GUCY1A2: variants seen among roughly 807,000 people sequenced by gnomAD.
The protein encoded by GUCY1A2 is guanylate cyclase soluble subunit alpha-2.
In GUCY1A2, 27 loss-of-function variants were observed where a neutral mutation model predicts 63.5. The observed-to-expected ratio is 0.43, with a 90% CI of 0.31 to 0.59. The LOEUF is 0.59. GUCY1A2 is among the 20% of genes least tolerant of loss of function. The pLI is 0.11. For missense variants in GUCY1A2, 768 were observed against 913.3 expected, an observed-to-expected ratio of 0.84 and a Z score of 2.05; for synonymous variants, 364 against 343.5, an observed-to-expected ratio of 1.06 and a Z score of -0.66.
intron 5 of GUCY1A2, among the ~76,000 whole-genome samples, chr11:106,799,815 C>A (rs1183231560): frequency 1.3e-5 from 2 of 152,164 alleles, no homozygotes; most frequent in African/African-American, 4.8e-5. Flanking sequence ...CAATACCATT[C>A]AGGACATAGG....
intron 3 of GUCY1A2, among the ~76,000 whole-genome samples, chr11:106,948,076 A>G (rs1860854459): frequency 6.6e-6 from 1 of 152,186 alleles, no homozygotes; most frequent in Non-Finnish European, 1.5e-5. Flanking sequence ...ATGGGTAAGT[A>G]TCTGGCAAAG....
At chr11:106,949,605 C>A (rs756161188) in intron 3 of GUCY1A2, among the ~76,000 whole-genome samples, 1 of 152,264 alleles carries the variant, frequency 6.6e-6, no homozygotes, top group Admixed American at 6.5e-5. Flanking sequence ...GCTTCCAAAG[C>A]ACCTTGTGAT....
At chr11:106,957,250 C>A (rs1046302183) in intron 3 of GUCY1A2, among the ~76,000 whole-genome samples, 1 of 151,992 alleles carries the variant, frequency 6.6e-6, no homozygotes, top group African/African-American at 2.4e-5. Flanking sequence ...TTGCCCCTCC[C>A]CCCAGGAGCT....
chr11:106,756,115 C>T (rs1863969480), intron 6 of GUCY1A2, among the ~76,000 whole-genome samples: 1 of 152,090 alleles, frequency 6.6e-6, no homozygotes, highest in Non-Finnish European at 1.5e-5. Context: ...CCTTCTTTGT[C>T]TCTTTTGATC....
chr11:106,752,157 C>T (rs74644227), intron 6 of GUCY1A2, among the ~76,000 whole-genome samples: 4,231 of 152,094 alleles, frequency 0.028, 177 homozygotes, highest in East Asian at 0.13. Flanking sequence ...GAGATGACTT[C>T]TTAGGATTTG....
chr11:106,915,388 G>A lies in GUCY1A2; in HGVS notation c.1206+24072C>T, dbSNP rs1158367153. ...TCTGTTACAAGGTATCTGTACTACCGACGAGGCAATACAGTGTCATTTGAA... is the reference window on the plus strand; with the variant it reads ...TCTGTTACAAGGTATCTGTACTACCAACGAGGCAATACAGTGTCATTTGAA... On this transcript the variant is annotated intron_variant, in intron 4 of 7. Transcript: ENST00000526355. Among the ~76,000 whole-genome samples the A allele has an allele frequency of 5.3e-5, 8 of 152,158 alleles. No individual in the cohort carries two copies. In the East Asian group the frequency reaches 5.8e-4, roughly 11 times the overall value.
rs1862444014 is a variant in GUCY1A2 at position 106,682,208 on chromosome 11, TGAAA to T, written c.*5337_*5340del. Reference sequence around the variant, plus strand: ...AAATCAAAGCTAAAATTAAAATTTGTGAAAGAAATAATGGTATGAGGCCTAGAGT... The same window carrying T: ...AAATCAAAGCTAAAATTAAAATTTGTGAAATAATGGTATGAGGCCTAGAGT... On this transcript the variant is annotated 3_prime_UTR_variant, in exon 8 of 8. Transcript: ENST00000526355. 1 of 212,372 alleles carries T rather than the reference TGAAA, an allele frequency of 4.7e-6. No homozygotes were observed. Among genetic ancestry groups the T allele is most frequent in the African/African-American group, 2.3e-5 (1 of 43,810 alleles). 13.2% of individuals were successfully genotyped at this position (212,372 alleles called of 1,614,324 possible). A position where few individuals can be genotyped will look rare whatever the true frequency, so the allele number is the denominator to read the frequency against.
intron 7 of GUCY1A2, among the ~76,000 whole-genome samples, chr11:106,706,042 T>A (rs761023561): frequency 6.6e-6 from 1 of 152,216 alleles, no homozygotes; most frequent in Non-Finnish European, 1.5e-5. Flanking sequence ...ATCTTTTCAG[T>A]ACTCCACAAT....
At chr11:106,778,707 C>G (rs1363314039) in intron 5 of GUCY1A2, among the ~76,000 whole-genome samples, 1 of 151,726 alleles carries the variant, frequency 6.6e-6, no homozygotes, top group Non-Finnish European at 1.5e-5. Flanking sequence ...TCTCTGTATT[C>G]ACAGAGCTTA....
At chr11:106,970,888 T>C (rs1245754636) in intron 3 of GUCY1A2, among the ~76,000 whole-genome samples, 1 of 137,196 alleles carries the variant, frequency 7.3e-6, no homozygotes, top group African/African-American at 2.7e-5. Context: ...TTCAGGGGGG[T>C]GGGGGGAAAG....
intron 6 of GUCY1A2, among the ~76,000 whole-genome samples, chr11:106,709,447 A>G (rs1301993727): frequency 1.0e-5 from 1 of 97,770 alleles, no homozygotes; most frequent in Non-Finnish European, 1.8e-5. Context: ...ATAATAATAT[A>G]TATTCTATAT....
At chr11:106,978,887 C>T (rs1228513305) in intron 2 of GUCY1A2, 147 bp from the exon 3 acceptor site, 8 of 594,786 alleles carry the variant, frequency 1.3e-5, no homozygotes, top group Non-Finnish European at 2.1e-5. Context: ...ATAATTCTGG[C>T]ATAACCCACC....
intron 4 of GUCY1A2, among the ~76,000 whole-genome samples, chr11:106,864,952 C>T (rs373634077): frequency 1.1e-4 from 17 of 152,138 alleles, no homozygotes; most frequent in African/African-American, 4.1e-4. Flanking sequence ...GGAAGGAGTC[C>T]TTCTTTTTCT....
intron 3 of GUCY1A2, among the ~76,000 whole-genome samples, 172 bp from the exon 4 acceptor site, chr11:106,940,350 T>C (rs900429267): frequency 1.3e-5 from 2 of 152,242 alleles, no homozygotes; most frequent in African/African-American, 2.4e-5. Context: ...TCAGAAAATA[T>C]AAATTTCAGT....
chr11:106,825,029 AAT>A, intron 4 of GUCY1A2: 1 of 1,470,732 alleles, frequency 6.8e-7, no homozygotes, highest in Non-Finnish European at 9.3e-7. Flanking sequence ...GTAGTTAGAC[AAT>A]AGTTTTTAAA....
chr11:106,953,642 T>A (rs1456514062), intron 3 of GUCY1A2, among the ~76,000 whole-genome samples: 1 of 152,148 alleles, frequency 6.6e-6, no homozygotes, highest in East Asian at 1.9e-4. Context: ...TGTGAATCCA[T>A]CTGGTCCTTG....
intron 6 of GUCY1A2, among the ~76,000 whole-genome samples, chr11:106,739,116 T>C (rs1591256151): frequency 3.3e-5 from 5 of 152,328 alleles, no homozygotes; most frequent in Middle Eastern, 6.8e-3. Context: ...ACATCCCTTG[T>C]AAGTTGGATT....
rs1858937558 is a variant in GUCY1A2, at chr11:106,824,175, T to A, written c.1207-13697A>T. 2.9e-6 allele frequency: 4 copies of A among 1,396,364 alleles called. No individual in the cohort carries two copies. The East Asian group carries it at 1.1e-4, about 37-fold the overall frequency. The allele number at this position is 1,396,364 out of a possible 1,614,324, so 86.5% of individuals were successfully genotyped here. A position where few individuals can be genotyped will look rare whatever the true frequency, so the allele number is the denominator to read the frequency against. ...GCAAGTGACAAAGTCCACACAGAAC[T>A]CTTTCAGGGTAAATGGCTATTAATT... On this transcript the variant is annotated intron_variant, in intron 4 of 7. Transcript: ENST00000526355.
At chr11:106,806,089 A>G (rs1040962961) in intron 5 of GUCY1A2, among the ~76,000 whole-genome samples, 1 of 152,146 alleles carries the variant, frequency 6.6e-6, no homozygotes, top group African/African-American at 2.4e-5. Context: ...ATACACACAC[A>G]CACATACACA....
Sources: allele counts gnomAD v4.1 joint callset (sites outside exome capture counted in the v4.1 genomes callset), GRCh38; gene constraint gnomAD v4.1.1; transcripts MANE v1.5; gene names NCBI Gene and HGNC (gene_info 2026-07-23, HGNC 2026-07-21).